The following WDR88 variants were observed in gnomAD, a reference collection of about 807,000 sequenced individuals.
WDR88 encodes WD repeat domain 88.
In WDR88, 40 loss-of-function variants were observed where a neutral mutation model predicts 46.8. The observed-to-expected ratio is 0.86, with a 90% confidence interval of 0.66 to 1.11. The LOEUF is 1.11. WDR88 is among the 50% of genes most tolerant of loss of function. The pLI is 0.00. For missense variants in WDR88, 562 were observed against 602.4 expected, an observed-to-expected ratio of 0.93 and a Z score of 0.70; for synonymous variants, 235 against 240.7, an observed-to-expected ratio of 0.98 and a Z score of 0.22.
At chr19:33,174,932 G>A in intron 10 of WDR88, 1 of 985,396 alleles carries the variant, frequency 1.0e-6, no homozygotes, top group Non-Finnish European at 1.2e-6. Flanking sequence ...CGCCTTTGTG[G>A]GGTTAGAGAT....
At chr19:33,153,523 C>T (rs1207378473) in intron 6 of WDR88, among the ~76,000 whole-genome samples, 2 of 151,980 alleles carry the variant, frequency 1.3e-5, no homozygotes, top group African/African-American at 4.8e-5. Context: ...TTTTTAAATC[C>T]TCTAGCAAGA....
At chr19:33,168,750 G>A (rs914251123) in intron 9 of WDR88, among the ~76,000 whole-genome samples, 2 of 152,088 alleles carry the variant, frequency 1.3e-5, no homozygotes, top group Non-Finnish European at 2.9e-5. Flanking sequence ...ATATGAAATT[G>A]CAAGGGGCCC....
Position 33,174,236 on chromosome 19 carries a change from C to T in WDR88, c.1243-1160C>T, listed in dbSNP as rs1974087775. ...GCAAGGATGAGCCTGCTGCATTTGA[C>T]TTGCTCTGAATCAATCAACATGAGA... On this transcript the variant is annotated intron_variant, in intron 10 of 10. Transcript: ENST00000355868. The T allele has an allele frequency of 4.6e-6, 7 of 1,536,384 alleles. No individual in the cohort carries two copies. The South Asian group carries it at 7.1e-5, about 16-fold the overall frequency.
intron 1 of WDR88, among the ~76,000 whole-genome samples, chr19:33,133,411 G>C (rs1411174439): frequency 2.0e-5 from 3 of 152,008 alleles, no homozygotes; most frequent in African/African-American, 7.3e-5. Context: ...AGCCAGGCAT[G>C]GTGGTGCGTG....
intron 7 of WDR88, among the ~76,000 whole-genome samples, chr19:33,159,830 T>TTGTAA (rs1973833624): frequency 6.6e-6 from 1 of 152,052 alleles, no homozygotes; most frequent in South Asian, 2.1e-4. Flanking sequence ...TATTATTACA[T>TTGTAA]TGTAATATAT....
chr19:33,148,726 A>G, intron 4 of WDR88, 46 bp from the exon 5 acceptor site: 1 of 1,612,652 alleles, frequency 6.2e-7, no homozygotes, highest in Non-Finnish European at 8.5e-7. Flanking sequence ...GGTGTAACAC[A>G]CCACACCTGG....
intron 7 of WDR88, among the ~76,000 whole-genome samples, chr19:33,156,782 G>C (rs1973744170): frequency 6.6e-6 from 1 of 152,218 alleles, no homozygotes; most frequent in Non-Finnish European, 1.5e-5. Flanking sequence ...TAATGGAAAA[G>C]TCCAAGAGCA....
chr19:33,164,858 T>C (rs1973928118), intron 9 of WDR88, among the ~76,000 whole-genome samples: 1 of 152,018 alleles, frequency 6.6e-6, no homozygotes, highest in Non-Finnish European at 1.5e-5. Flanking sequence ...TTACATTTAT[T>C]GTGCACTTTA....
chr19:33,172,302 T>A, intron 9 of WDR88, 46 bp from the exon 10 acceptor site: 2 of 1,483,938 alleles, frequency 1.3e-6, no homozygotes, highest in Non-Finnish European at 1.9e-6. Context: ...TTTGTATGGA[T>A]GTACCACAGC....
chr19:33,153,893 A>C (rs1238523892), intron 6 of WDR88, among the ~76,000 whole-genome samples: 1 of 152,044 alleles, frequency 6.6e-6, no homozygotes, highest in African/African-American at 2.4e-5. Context: ...TGTTGTCCTT[A>C]GTTTTCTGAA....
chr19:33,134,965 C>A (rs1460208709), intron 1 of WDR88, among the ~76,000 whole-genome samples: 1 of 151,086 alleles, frequency 6.6e-6, no homozygotes, highest in Non-Finnish European at 1.5e-5. Context: ...CCAGGCCACA[C>A]CCCTGGTCTT....
intron 3 of WDR88, 50 bp downstream of exon 3, chr19:33,144,982 G>T: frequency 6.6e-7 from 1 of 1,505,088 alleles, no homozygotes; most frequent in Non-Finnish European, 9.2e-7. Flanking sequence ...GAGCAGGCAT[G>T]CCATAAATAG....
At chr19:33,162,104 G>A (rs890935317) in intron 8 of WDR88, among the ~76,000 whole-genome samples, 2 of 152,124 alleles carry the variant, frequency 1.3e-5, no homozygotes, top group Non-Finnish European at 2.9e-5. Context: ...CTTTCCATAC[G>A]GGGAAGGCCA....
At chr19:33,140,832 T>C (rs968451259) in intron 2 of WDR88, among the ~76,000 whole-genome samples, 3 of 151,914 alleles carry the variant, frequency 2.0e-5, no homozygotes, top group African/African-American at 7.2e-5. Context: ...TTCACAGCTG[T>C]TAACTCTGGG....
At chr19:33,156,955 G>C (rs1973747573) in intron 7 of WDR88, among the ~76,000 whole-genome samples, 2 of 152,144 alleles carry the variant, frequency 1.3e-5, no homozygotes, top group African/African-American at 2.4e-5. Flanking sequence ...CAATGCTTTG[G>C]GAGGCCAAGG....
intron 7 of WDR88, among the ~76,000 whole-genome samples, chr19:33,157,711 A>G (rs1361637399): frequency 1.6e-4 from 6 of 37,708 alleles, no homozygotes; most frequent in Admixed American, 4.5e-4. Context: ...ATATATATAT[A>G]TATATATATA....
intron 8 of WDR88, among the ~76,000 whole-genome samples, chr19:33,162,384 T>G (rs757647518): frequency 2.6e-5 from 4 of 151,842 alleles, no homozygotes; most frequent in African/African-American, 4.8e-5. Flanking sequence ...TTTTTTAAAT[T>G]TTTATTTTTT....
At chr19:33,134,846 C>G (rs1389296936) in intron 1 of WDR88, among the ~76,000 whole-genome samples, 3 of 135,522 alleles carry the variant, frequency 2.2e-5, no homozygotes, top group Admixed American at 7.3e-5. Flanking sequence ...CGACACCCCC[C>G]CCCCCGCCCC....
chr19:33,165,131 A>AATTT (rs1265813516), intron 9 of WDR88, among the ~76,000 whole-genome samples: 1 of 152,124 alleles, frequency 6.6e-6, no homozygotes, highest in African/African-American at 2.4e-5. Flanking sequence ...TCAGGTGGTA[A>AATTT]AGCTAGTGAC....
Sources: allele counts gnomAD v4.1 joint callset (sites outside exome capture counted in the v4.1 genomes callset), GRCh38; gene constraint gnomAD v4.1.1; transcripts MANE v1.5; gene names NCBI Gene and HGNC (gene_info 2026-07-23, HGNC 2026-07-21).